Variants in TSHZ2 observed in about 807,000 individuals in gnomAD.
TSHZ2 encodes the protein teashirt homolog 2.
Under a neutral mutation model 74.4 loss-of-function variants are expected in TSHZ2, and 21 were observed. The ratio of observed to expected loss-of-function variants is 0.28; its 90% CI spans 0.20 to 0.41. The LOEUF is 0.41. Ranked by LOEUF, TSHZ2 falls within the 10% of genes least tolerant of loss-of-function variation. TSHZ2 has a pLI of 1.00. For missense variants in TSHZ2, 1,244 were observed against 1,293.5 expected (o/e 0.96, Z 0.59); for synonymous variants, 540 against 515.3 (o/e 1.05, Z -0.65).
chr20:53,240,843 A>G (rs181926422), intron 1 of TSHZ2, among the ~76,000 whole-genome samples: 7 of 152,256 alleles, frequency 4.6e-5, no homozygotes, highest in African/African-American at 1.7e-4. Flanking sequence ...CATCAGAATA[A>G]TTAAAAAGCA....
Position 53,185,099 on chromosome 20 carries a change from T to G in TSHZ2, c.41-68400T>G, listed in dbSNP as rs560000587. On this transcript the variant is annotated intron_variant, in intron 1 of 2. Coordinates refer to ENST00000371497, the MANE Select transcript of TSHZ2 (RefSeq NM_173485.6). Reference sequence around the variant, plus strand: ...AGGAACACGTGTTTTATCCAGTTGTTTTGTTTATACATTTTTTAAAATCTT... The same window carrying G: ...AGGAACACGTGTTTTATCCAGTTGTGTTGTTTATACATTTTTTAAAATCTT... Among the ~76,000 whole-genome samples, 4 of 152,310 alleles carry G rather than the reference T, an allele frequency of 2.6e-5. No homozygotes were observed. The South Asian group carries it at 8.3e-4, about 32-fold the overall frequency.
At chr20:53,369,815 G>A (rs1306555157) in intron 2 of TSHZ2, among the ~76,000 whole-genome samples, 2 of 152,144 alleles carry the variant, frequency 1.3e-5, no homozygotes, top group African/African-American at 4.8e-5. Flanking sequence ...AGGCAATGAG[G>A]TTTTCAACGA....
At chr20:53,098,189 T>C (rs1986111525) in intron 1 of TSHZ2, among the ~76,000 whole-genome samples, 1 of 152,220 alleles carries the variant, frequency 6.6e-6, no homozygotes, top group Admixed American at 6.5e-5. Flanking sequence ...TTAGCAGCTA[T>C]GTGTGGCTGG....
At chr20:53,169,673 A>G (rs1988146291) in intron 1 of TSHZ2, among the ~76,000 whole-genome samples, 1 of 152,190 alleles carries the variant, frequency 6.6e-6, no homozygotes, top group African/African-American at 2.4e-5. Context: ...GAAGAATTAG[A>G]TGTCATTCCC....
intron 2 of TSHZ2, among the ~76,000 whole-genome samples, chr20:53,427,273 T>C (rs971502711): frequency 5.9e-5 from 9 of 152,186 alleles, no homozygotes; most frequent in Admixed American, 4.6e-4. Context: ...TGAATGGATA[T>C]TATGCTAGAT....
intron 1 of TSHZ2, among the ~76,000 whole-genome samples, chr20:53,044,250 G>A (rs1244323531): frequency 1.3e-5 from 2 of 152,200 alleles, no homozygotes; most frequent in South Asian, 2.1e-4. Context: ...AGCTCTCAAC[G>A]TTTCAGATTT....
intron 2 of TSHZ2, among the ~76,000 whole-genome samples, chr20:53,390,866 A>T (rs1982223218): frequency 6.6e-6 from 1 of 152,132 alleles, no homozygotes; most frequent in Non-Finnish European, 1.5e-5. Context: ...ATAGTATCTC[A>T]TTGTGGTTTT....
At chr20:53,227,776 G>A (rs1466354717) in intron 1 of TSHZ2, among the ~76,000 whole-genome samples, 1 of 152,088 alleles carries the variant, frequency 6.6e-6, no homozygotes, top group East Asian at 1.9e-4. Context: ...TTTGTCTGAT[G>A]TTAGTTGAAC....
intron 2 of TSHZ2, among the ~76,000 whole-genome samples, chr20:53,320,632 C>G (rs767345369): frequency 3.9e-5 from 6 of 152,174 alleles, no homozygotes; most frequent in Non-Finnish European, 5.9e-5. Flanking sequence ...TCTTTCTTTG[C>G]AGAAAGGGGA....
intron 1 of TSHZ2, among the ~76,000 whole-genome samples, chr20:53,160,694 G>C (rs569977742): frequency 1.4e-5 from 2 of 147,680 alleles, no homozygotes; most frequent in East Asian, 4.0e-4. Context: ...GCAGTGAGCT[G>C]AGATTGTGCC....
chr20:53,232,564 C>T (rs752033320), intron 1 of TSHZ2, among the ~76,000 whole-genome samples: 33 of 152,260 alleles, frequency 2.2e-4, no homozygotes, highest in Non-Finnish European at 4.3e-4. Context: ...TAAGTAAGAA[C>T]GTTACAGTTG....
At chr20:53,249,009 CT>C (rs11484282) in intron 1 of TSHZ2, among the ~76,000 whole-genome samples, 56 of 147,386 alleles carry the variant, frequency 3.8e-4, no homozygotes, top group Admixed American at 3.4e-4. Flanking sequence ...GGCTGATTTT[CT>C]TTTTTTTTTT....
intron 1 of TSHZ2, among the ~76,000 whole-genome samples, chr20:53,202,520 G>A (rs955198067): frequency 6.6e-6 from 1 of 152,054 alleles, no homozygotes. Context: ...TGACCACTGA[G>A]CTCGGTGCTT....
intron 2 of TSHZ2, among the ~76,000 whole-genome samples, chr20:53,418,173 G>A (rs989640476): frequency 6.6e-6 from 1 of 152,242 alleles, no homozygotes; most frequent in Non-Finnish European, 1.5e-5. Context: ...AGAGTAAAGG[G>A]GAGAAATATC....
intron 2 of TSHZ2, among the ~76,000 whole-genome samples, chr20:53,470,914 C>G (rs2145836892): frequency 6.6e-6 from 1 of 152,274 alleles, no homozygotes; most frequent in Admixed American, 6.5e-5. Context: ...GTGTCCTGAC[C>G]TATCACTGAA....
intron 2 of TSHZ2, among the ~76,000 whole-genome samples, chr20:53,383,025 C>A (rs565775740): frequency 6.6e-6 from 1 of 152,262 alleles, no homozygotes; most frequent in African/African-American, 2.4e-5. Context: ...CTTTGGGAGG[C>A]CAGGGCAGGT....
rs920708895 is a variant in TSHZ2 at position 53,060,748 on chromosome 20, A to C, written c.40+87415A>C. 4.5e-4 allele frequency among the ~76,000 whole-genome samples: 68 copies of C among 152,212 alleles called. 3 individuals are homozygous for C. Among genetic ancestry groups the C allele is most frequent in the Non-Finnish European group, 1.0e-4 (7 of 68,032 alleles). On this transcript the variant is annotated intron_variant, in intron 1 of 2. Transcript: ENST00000371497. ...AAGTGTTTTTTCATAAAAGTGAGTAAAAATATTAAAATATCCTTCTACACA... is the reference window on the plus strand; with the variant it reads ...AAGTGTTTTTTCATAAAAGTGAGTACAAATATTAAAATATCCTTCTACACA...
intron 2 of TSHZ2, among the ~76,000 whole-genome samples, chr20:53,341,917 A>C (rs1255130343): frequency 6.6e-6 from 1 of 152,090 alleles, no homozygotes; most frequent in Non-Finnish European, 1.5e-5. Context: ...CACCACGTTG[A>C]CCAGACTGGT....
chr20:53,015,997 T>C (rs1250682412), intron 1 of TSHZ2, among the ~76,000 whole-genome samples: 1 of 152,172 alleles, frequency 6.6e-6, no homozygotes, highest in African/African-American at 2.4e-5. Flanking sequence ...ATGCCCTGCC[T>C]CTGACGTTAA....
Sources: gnomAD v4.1 joint callset for allele counts (sites outside exome capture counted in the v4.1 genomes callset) on GRCh38, gnomAD v4.1.1 for gene constraint, MANE v1.5 for transcripts, NCBI Gene and HGNC (gene_info 2026-07-23, HGNC 2026-07-21) for gene names.